The following SGCZ variants were observed in gnomAD, a reference collection of about 807,000 sequenced individuals.
SGCZ encodes the protein sarcoglycan zeta.
Under a neutral mutation model 41.3 loss-of-function variants are expected in SGCZ, and 40 were observed. That is an observed-to-expected ratio of 0.97 (90% CI 0.75 to 1.26). SGCZ has a LOEUF of 1.26. Ranked by LOEUF, SGCZ falls within the 50% of genes most tolerant of loss-of-function variation. The probability of loss-of-function intolerance (pLI) is 0.00; values close to 1 mark genes in which losing one functional copy is unlikely to be tolerated. For missense variants in SGCZ, 552 were observed against 369.8 expected, an observed-to-expected ratio of 1.49 and a Z score of -4.04; for synonymous variants, 206 against 137.5, an observed-to-expected ratio of 1.50 and a Z score of -3.49.
chr8:14,814,790 G>T (rs974479026), intron 1 of SGCZ, among the ~76,000 whole-genome samples: 2 of 152,026 alleles, frequency 1.3e-5, no homozygotes, highest in Admixed American at 6.6e-5. Context: ...CTTGAGCAAG[G>T]TATTATGACT....
intron 1 of SGCZ, among the ~76,000 whole-genome samples, chr8:14,967,895 A>G (rs548381432): frequency 6.6e-6 from 1 of 152,102 alleles, no homozygotes; most frequent in African/African-American, 2.4e-5. Context: ...GAACAGCCCT[A>G]CTCCAGGGAC....
chr8:15,046,428 A>G (rs1585508125), intron 1 of SGCZ, among the ~76,000 whole-genome samples: 1 of 152,000 alleles, frequency 6.6e-6, no homozygotes. Flanking sequence ...TTACTTTTCT[A>G]TGAGTTGTAA....
intron 1 of SGCZ, among the ~76,000 whole-genome samples, chr8:14,771,892 A>G (rs763162778): frequency 1.3e-5 from 2 of 152,174 alleles, no homozygotes; most frequent in African/African-American, 2.4e-5. Context: ...TTCAATTTCA[A>G]TAAAAATGTT....
At chr8:14,691,617 TA>T (rs529347307) in intron 1 of SGCZ, among the ~76,000 whole-genome samples, 74 of 150,266 alleles carry the variant, frequency 4.9e-4, no homozygotes, top group African/African-American at 1.3e-3. Flanking sequence ...TAATGTCACC[TA>T]AAAAAAAAGG....
At chr8:14,481,770 G>A (rs998339605) in intron 2 of SGCZ, among the ~76,000 whole-genome samples, 31 of 152,130 alleles carry the variant, frequency 2.0e-4, no homozygotes, top group Admixed American at 1.8e-3. Flanking sequence ...GAAGTAAAAT[G>A]TTCAGTAGAT....
chr8:14,639,444 A>T (rs1437202182), intron 1 of SGCZ, among the ~76,000 whole-genome samples: 1 of 151,662 alleles, frequency 6.6e-6, no homozygotes, highest in East Asian at 1.9e-4. Flanking sequence ...CTTCATAAAG[A>T]TATTAGGAAT....
intron 1 of SGCZ, among the ~76,000 whole-genome samples, chr8:14,924,078 G>A (rs1399498391): frequency 6.6e-6 from 1 of 152,238 alleles, no homozygotes; most frequent in Admixed American, 6.5e-5. Context: ...GATGAAGGCA[G>A]TAAAGCCACT....
intron 5 of SGCZ, among the ~76,000 whole-genome samples, chr8:14,119,159 G>C (rs1802614788): frequency 6.6e-6 from 1 of 152,106 alleles, no homozygotes; most frequent in African/African-American, 2.4e-5. Flanking sequence ...GGGCACTATG[G>C]ACATTTTTAT....
At chr8:14,465,600 A>T (rs1162275409) in intron 2 of SGCZ, among the ~76,000 whole-genome samples, 1 of 150,504 alleles carries the variant, frequency 6.6e-6, no homozygotes, top group East Asian at 1.9e-4. Context: ...TGTATCTTTT[A>T]TGTTGATTTT....
intron 3 of SGCZ, among the ~76,000 whole-genome samples, chr8:14,318,231 AG>A (rs2117017078): frequency 6.6e-6 from 1 of 151,948 alleles, no homozygotes; most frequent in Admixed American, 6.6e-5. Context: ...GGAGAGGAAC[AG>A]GAGGAAGAGG....
At chr8:14,726,324 C>CTATATATATA (rs1362751704) in intron 1 of SGCZ, among the ~76,000 whole-genome samples, 5 of 121,176 alleles carry the variant, frequency 4.1e-5, no homozygotes, top group Non-Finnish European at 6.6e-5. Context: ...ATATATATAT[C>CTATATATATA]TATATATATA....
intron 1 of SGCZ, among the ~76,000 whole-genome samples, chr8:14,734,227 T>C (rs2036822): frequency 0.39 from 59,582 of 152,004 alleles, 14,081 homozygotes; most frequent in African/African-American, 0.66. Flanking sequence ...GATTATATTG[T>C]GTTATCAAGA....
At chr8:14,629,143 G>C (rs1295225455) in intron 1 of SGCZ, among the ~76,000 whole-genome samples, 3 of 151,996 alleles carry the variant, frequency 2.0e-5, no homozygotes, top group Non-Finnish European at 4.4e-5. Flanking sequence ...CTATATCCAG[G>C]TAGTCATACC....
chr8:14,830,549 A>G (rs918567730), intron 1 of SGCZ, among the ~76,000 whole-genome samples: 2 of 152,180 alleles, frequency 1.3e-5, no homozygotes, highest in African/African-American at 4.8e-5. Flanking sequence ...ATATGTTTTT[A>G]ATAATCACAG....
At chr8:14,260,276 A>T (rs994743703) in intron 3 of SGCZ, among the ~76,000 whole-genome samples, 10 of 151,946 alleles carry the variant, frequency 6.6e-5, no homozygotes, top group East Asian at 1.9e-4. Context: ...CCCATCAAAA[A>T]GCGGGCGAAG....
At chr8:14,139,789 T>C (rs1458016991) in intron 5 of SGCZ, among the ~76,000 whole-genome samples, 1 of 152,170 alleles carries the variant, frequency 6.6e-6, no homozygotes, top group East Asian at 1.9e-4. Context: ...CTTCTGAAAC[T>C]ATTCCAATCA....
chr8:15,127,021 G>A (rs1807717373), intron 1 of SGCZ, among the ~76,000 whole-genome samples: 1 of 152,168 alleles, frequency 6.6e-6, no homozygotes, highest in Non-Finnish European at 1.5e-5. Flanking sequence ...ATTGCATTCT[G>A]TAGTTTTAGA....
intron 1 of SGCZ, among the ~76,000 whole-genome samples, chr8:14,902,514 A>G (rs867261610): frequency 3.1e-4 from 47 of 152,266 alleles, no homozygotes; most frequent in African/African-American, 1.0e-3. Flanking sequence ...CTAAACATAA[A>G]TATAAACCTT....
chr8:14,925,407 G>A (rs1003500895), intron 1 of SGCZ, among the ~76,000 whole-genome samples: 3 of 152,180 alleles, frequency 2.0e-5, no homozygotes, highest in South Asian at 2.1e-4. Flanking sequence ...ACAATTGCAT[G>A]CTAACAGTTT....
Sources: gnomAD v4.1 joint callset for allele counts (sites outside exome capture counted in the v4.1 genomes callset) on GRCh38, gnomAD v4.1.1 for gene constraint, MANE v1.5 for transcripts, NCBI Gene and HGNC (gene_info 2026-07-23, HGNC 2026-07-21) for gene names.